DOCK3: variants seen among roughly 807,000 people sequenced by gnomAD.
The protein encoded by DOCK3 is dedicator of cytokinesis 3.
In DOCK3, 60 loss-of-function variants were observed where a neutral mutation model predicts 265.6. The ratio of observed to expected loss-of-function variants is 0.23; its 90% CI spans 0.18 to 0.28. The LOEUF (loss-of-function observed/expected upper bound fraction) is 0.28. Among genes scored for constraint, DOCK3 ranks in the 10% least tolerant of loss-of-function variants. DOCK3 has a pLI of 1.00. For synonymous variants in DOCK3, 881 were observed against 938.0 expected (o/e 0.94, Z 1.11); for missense variants, 1,981 against 2,594.3 (o/e 0.76, Z 5.14).
intron 12 of DOCK3, among the ~76,000 whole-genome samples, chr3:51,208,069 G>T (rs2089314359): frequency 6.6e-6 from 1 of 152,212 alleles, no homozygotes; most frequent in African/African-American, 2.4e-5. Context: ...ACATCAGAAT[G>T]TGAGAGAAAT....
intron 9 of DOCK3, among the ~76,000 whole-genome samples, chr3:51,139,233 C>T (rs1560113247): frequency 6.7e-6 from 1 of 149,342 alleles, no homozygotes; most frequent in Non-Finnish European, 1.5e-5. Context: ...AATTCAGTCA[C>T]ATGGCTCCAC....
At chr3:50,712,482 C>T (rs900503464) in intron 1 of DOCK3, among the ~76,000 whole-genome samples, 3 of 152,146 alleles carry the variant, frequency 2.0e-5, no homozygotes, top group Non-Finnish European at 4.4e-5. Flanking sequence ...GAACTATAGG[C>T]ACCTTCCACC....
chr3:50,923,054 A>G (rs905380223), intron 4 of DOCK3, among the ~76,000 whole-genome samples: 1 of 152,222 alleles, frequency 6.6e-6, no homozygotes, highest in Admixed American at 6.5e-5. Flanking sequence ...ACTTAGAATA[A>G]TAGACTTCAG....
At chr3:50,928,837 A>C (rs2050907330) in intron 4 of DOCK3, among the ~76,000 whole-genome samples, 1 of 152,242 alleles carries the variant, frequency 6.6e-6, no homozygotes, top group East Asian at 1.9e-4. Flanking sequence ...AGTCATATGC[A>C]TTCAGTAGAA....
intron 5 of DOCK3, among the ~76,000 whole-genome samples, chr3:50,944,462 A>T (rs144367858): frequency 9.2e-4 from 140 of 152,338 alleles, no homozygotes; most frequent in African/African-American, 3.2e-3. Context: ...TGTTTCACAT[A>T]CTATTTTTTA....
At chr3:51,162,872 A>G (rs552030954) in intron 12 of DOCK3, among the ~76,000 whole-genome samples, 2 of 152,236 alleles carry the variant, frequency 1.3e-5, no homozygotes, top group African/African-American at 2.4e-5. Context: ...ATGTTTATAG[A>G]GAAGATTTTT....
intron 5 of DOCK3, among the ~76,000 whole-genome samples, chr3:51,054,564 T>C (rs1214810183): frequency 6.6e-6 from 1 of 152,218 alleles, no homozygotes; most frequent in African/African-American, 2.4e-5. Context: ...TCCTCTTTGT[T>C]TTCACAGTTC....
intron 27 of DOCK3, among the ~76,000 whole-genome samples, chr3:51,304,076 A>G (rs2082510069): frequency 6.6e-6 from 1 of 152,048 alleles, no homozygotes; most frequent in Non-Finnish European, 1.5e-5. Context: ...CCTCAGTCCC[A>G]GGGAGATCAA....
intron 9 of DOCK3, among the ~76,000 whole-genome samples, chr3:51,112,426 A>T (rs757574940): frequency 1.3e-5 from 2 of 152,256 alleles, no homozygotes; most frequent in Non-Finnish European, 2.9e-5. Flanking sequence ...TTCACTAGAA[A>T]GATCACAACA....
chr3:50,783,282 A>C (rs190300699), intron 2 of DOCK3, among the ~76,000 whole-genome samples: 1 of 152,126 alleles, frequency 6.6e-6, no homozygotes, highest in Non-Finnish European at 1.5e-5. Flanking sequence ...GTACCAGTTT[A>C]TGTTCTCATC....
intron 38 of DOCK3, among the ~76,000 whole-genome samples, chr3:51,343,851 G>A: frequency 6.6e-6 from 1 of 152,224 alleles, no homozygotes; most frequent in East Asian, 1.9e-4. Context: ...CTAGTCCTGG[G>A]CCATTCTCTC....
chr3:51,112,843 A>C (rs374293995), intron 9 of DOCK3, among the ~76,000 whole-genome samples: 11 of 152,318 alleles, frequency 7.2e-5, no homozygotes, highest in African/African-American at 2.6e-4. Flanking sequence ...AGATGATTTC[A>C]ATGTGTAGGA....
chr3:50,957,065 CCA>C (rs779364594), intron 5 of DOCK3, among the ~76,000 whole-genome samples: 10 of 151,994 alleles, frequency 6.6e-5, no homozygotes, highest in Non-Finnish European at 1.5e-4. Context: ...GTGCCCAGCC[CCA>C]GAGTATTTTA....
At chr3:51,013,208 TC>T (rs1404376799) in intron 5 of DOCK3, among the ~76,000 whole-genome samples, 1 of 152,220 alleles carries the variant, frequency 6.6e-6, no homozygotes, top group Non-Finnish European at 1.5e-5. Context: ...GGAGCTGCGA[TC>T]CTTTGGAGGA....
intron 23 of DOCK3, among the ~76,000 whole-genome samples, chr3:51,265,003 A>G (rs1386250570): frequency 6.6e-6 from 1 of 152,120 alleles, no homozygotes; most frequent in Non-Finnish European, 1.5e-5. Flanking sequence ...CACAACAAAA[A>G]ATGTGATAAA....
intron 5 of DOCK3, among the ~76,000 whole-genome samples, chr3:51,032,335 T>C (rs780548998): frequency 5.3e-5 from 8 of 152,310 alleles, no homozygotes; most frequent in Admixed American, 2.0e-4. Context: ...TTCATGTCAG[T>C]GCCCCCAAAT....
intron 1 of DOCK3, among the ~76,000 whole-genome samples, chr3:50,716,342 A>G (rs1383121665): frequency 1.2e-4 from 18 of 152,108 alleles, no homozygotes; most frequent in Non-Finnish European, 1.5e-5. Flanking sequence ...CCTGGCTAAC[A>G]TGGTGAAACC....
At chr3:51,349,391 T>C (rs1261560375) in intron 39 of DOCK3, among the ~76,000 whole-genome samples, 2 of 152,216 alleles carry the variant, frequency 1.3e-5, no homozygotes, top group Non-Finnish European at 2.9e-5. Context: ...GCTTTGAAGG[T>C]CTGCGCCAAA....
At chr3:50,846,251 C>G (rs1290041991) in intron 3 of DOCK3, among the ~76,000 whole-genome samples, 2 of 152,040 alleles carry the variant, frequency 1.3e-5, no homozygotes, top group Non-Finnish European at 2.9e-5. Flanking sequence ...GTTTCAGGTA[C>G]TGTGGAGTAG....
Sources: allele counts gnomAD v4.1 joint callset (sites outside exome capture counted in the v4.1 genomes callset), GRCh38; gene constraint gnomAD v4.1.1; transcripts MANE v1.5; gene names NCBI Gene and HGNC (gene_info 2026-07-23, HGNC 2026-07-21).